Variants in RBMS3 observed in about 807,000 individuals in gnomAD.
RBMS3 encodes the protein RNA-binding motif, single-stranded-interacting protein 3.
A neutral mutation model predicts 66.8 loss-of-function variants in RBMS3; 27 were observed. That is an observed-to-expected ratio of 0.40 (90% CI 0.30 to 0.56). The LOEUF is 0.56. RBMS3 is among the 20% of genes least tolerant of loss of function. The pLI is 0.40. For synonymous variants in RBMS3, 188 were observed against 183.0 expected (o/e 1.03, Z -0.22); for missense variants, 513 against 549.5 (o/e 0.93, Z 0.66).
At chr3:29,740,199 C>T (rs753276303) in intron 5 of RBMS3, among the ~76,000 whole-genome samples, 2 of 152,102 alleles carry the variant, frequency 1.3e-5, no homozygotes, top group Middle Eastern at 3.4e-3. Context: ...CTGACAGAGA[C>T]AATAAATGCC....
At chr3:29,475,487 C>T (rs901866043) in intron 2 of RBMS3, among the ~76,000 whole-genome samples, 2 of 152,054 alleles carry the variant, frequency 1.3e-5, no homozygotes, top group Non-Finnish European at 2.9e-5. Flanking sequence ...TGAGCTCAGG[C>T]AATCCGTCCA....
intron 6 of RBMS3, among the ~76,000 whole-genome samples, chr3:29,772,508 A>G (rs886365059): frequency 2.0e-5 from 3 of 152,032 alleles, no homozygotes; most frequent in African/African-American, 7.2e-5. Flanking sequence ...GCACAGTAAG[A>G]GTTTTTTTCA....
At chr3:29,822,277 T>C (rs1357176928) in intron 6 of RBMS3, among the ~76,000 whole-genome samples, 3 of 152,182 alleles carry the variant, frequency 2.0e-5, no homozygotes, top group Non-Finnish European at 2.9e-5. Context: ...AGTGAATGCC[T>C]AATTTTAAAC....
chr3:29,362,550 G>C (rs978043433), intron 1 of RBMS3, among the ~76,000 whole-genome samples: 4 of 152,116 alleles, frequency 2.6e-5, no homozygotes, highest in African/African-American at 7.2e-5. Flanking sequence ...CTCCGTGCTG[G>C]GAGAACTACT....
chr3:29,795,833 T>C (rs1384266474), intron 6 of RBMS3, among the ~76,000 whole-genome samples: 5 of 152,188 alleles, frequency 3.3e-5, no homozygotes, highest in South Asian at 2.1e-4. Context: ...CACTGATTAA[T>C]TGAAAAATAG....
At chr3:29,580,157 T>C (rs913698223) in intron 3 of RBMS3, among the ~76,000 whole-genome samples, 8 of 152,314 alleles carry the variant, frequency 5.3e-5, no homozygotes, top group East Asian at 1.9e-4. Flanking sequence ...GGAAATACCA[T>C]TGGGGACCTA....
chr3:29,647,377 T>A (rs543329347), intron 4 of RBMS3, among the ~76,000 whole-genome samples: 1 of 152,302 alleles, frequency 6.6e-6, no homozygotes, highest in East Asian at 1.9e-4. Flanking sequence ...TGCTGCCTGT[T>A]GTCTTTAAAA....
At chr3:29,378,136 T>C (rs1292132843) in intron 1 of RBMS3, among the ~76,000 whole-genome samples, 2 of 152,164 alleles carry the variant, frequency 1.3e-5, no homozygotes, top group African/African-American at 4.8e-5. Flanking sequence ...CCTTTAACAG[T>C]TCTCTGTCAG....
intron 4 of RBMS3, among the ~76,000 whole-genome samples, chr3:29,706,410 A>G (rs1317546725): frequency 2.0e-5 from 3 of 152,212 alleles, no homozygotes; most frequent in Non-Finnish European, 4.4e-5. Flanking sequence ...AAAGTGACAC[A>G]TAATCAAGAC....
chr3:29,510,628 CA>C (rs1006903610), intron 3 of RBMS3, among the ~76,000 whole-genome samples: 7 of 151,954 alleles, frequency 4.6e-5, no homozygotes, highest in African/African-American at 1.7e-4. Flanking sequence ...TCCAAAAACT[CA>C]AAACCCAAAA....
chr3:29,451,430 A>C (rs187263941), intron 2 of RBMS3, among the ~76,000 whole-genome samples: 1 of 152,304 alleles, frequency 6.6e-6, no homozygotes, highest in Admixed American at 6.5e-5. Flanking sequence ...TAGTAAAGGT[A>C]AAATTTGGGG....
At chr3:29,788,928 T>A (rs1450835203) in intron 6 of RBMS3, among the ~76,000 whole-genome samples, 2 of 152,184 alleles carry the variant, frequency 1.3e-5, no homozygotes, top group Non-Finnish European at 2.9e-5. Flanking sequence ...CTAGCTAATA[T>A]AATAGGTGAA....
intron 1 of RBMS3, among the ~76,000 whole-genome samples, chr3:29,318,429 C>G (rs2034819217): frequency 6.6e-6 from 1 of 151,828 alleles, no homozygotes; most frequent in African/African-American, 2.4e-5. Flanking sequence ...CTGCGTAAGT[C>G]AAATGGATGG....
intron 1 of RBMS3, among the ~76,000 whole-genome samples, chr3:29,320,018 C>G (rs928175540): frequency 6.6e-6 from 1 of 151,980 alleles, no homozygotes; most frequent in African/African-American, 2.4e-5. Context: ...AGATCAGACT[C>G]GAGTCAGTTA....
chr3:29,754,243 G>A (rs1576704778), intron 5 of RBMS3, among the ~76,000 whole-genome samples: 2 of 152,138 alleles, frequency 1.3e-5, no homozygotes, highest in South Asian at 2.1e-4. Context: ...GTGAGCCACC[G>A]TACATGGCTA....
intron 4 of RBMS3, among the ~76,000 whole-genome samples, chr3:29,707,333 C>T (rs747894527): frequency 1.7e-4 from 26 of 152,148 alleles, no homozygotes; most frequent in Non-Finnish European, 3.2e-4. Context: ...GTAGATTTTA[C>T]TCATTGGGTT....
intron 12 of RBMS3, among the ~76,000 whole-genome samples, chr3:29,954,942 C>T (rs1695929984): frequency 6.6e-6 from 1 of 151,860 alleles, no homozygotes; most frequent in Non-Finnish European, 1.5e-5. Context: ...GATAATTATC[C>T]CTACCATCTG....
At chr3:29,907,678 TA>T (rs2060414204) in intron 10 of RBMS3, among the ~76,000 whole-genome samples, 1 of 152,128 alleles carries the variant, frequency 6.6e-6, no homozygotes, top group South Asian at 2.1e-4. Flanking sequence ...TTTTTATTAA[TA>T]AAATTAGTAA....
chr3:29,734,985 T>C (rs189030463), intron 4 of RBMS3, among the ~76,000 whole-genome samples: 5 of 152,284 alleles, frequency 3.3e-5, no homozygotes, highest in African/African-American at 9.6e-5. Flanking sequence ...TGTAGCTACT[T>C]CCAGAGCATT....
Sources: gnomAD v4.1 joint callset for allele counts (sites outside exome capture counted in the v4.1 genomes callset) on GRCh38, gnomAD v4.1.1 for gene constraint, MANE v1.5 for transcripts, NCBI Gene and HGNC (gene_info 2026-07-23, HGNC 2026-07-21) for gene names.